Variants in GRM3 observed in about 807,000 individuals in gnomAD.
The protein encoded by GRM3 is glutamate metabotropic receptor 3.
GRM3 carries 26 observed loss-of-function variants against 70.5 expected under a neutral mutation model. The observed-to-expected ratio is 0.37, with a 90% CI of 0.27 to 0.51. GRM3 has a LOEUF of 0.51. Ranked by LOEUF, GRM3 falls within the 20% of genes least tolerant of loss-of-function variation. The pLI is 0.93. For synonymous variants in GRM3, 443 were observed against 434.9 expected, an observed-to-expected ratio of 1.02 and a Z score of -0.23; for missense variants, 859 against 1,123.8, an observed-to-expected ratio of 0.76 and a Z score of 3.37.
At position 86,839,992 on chromosome 7, in the gene GRM3, A is replaced by G; in HGVS notation, c.2391+87A>G. The stretch of plus-strand genomic sequence containing the variant: ...ATTTAAAATAGACTCCTTTTATTTC[A>G]TCTCAACGAGTTGGGTAATTTCAAA... On this transcript the variant is annotated intron_variant, in intron 4 of 5. Coordinates refer to ENST00000361669, the MANE Select transcript of GRM3 (RefSeq NM_000840.3). This position sits in a 1 kb window ranked among gnomAD's most constrained non-coding sequence, Gnocchi z 4.5. The G allele has an allele frequency of 1.3e-6, 1 of 751,066 alleles. No homozygotes were observed. The highest frequency in any genetic ancestry group is 2.2e-6 in the Non-Finnish European group (1 of 444,542). 46.5% of individuals were successfully genotyped at this position (751,066 alleles called of 1,614,324 possible). A position where few individuals can be genotyped will look rare whatever the true frequency, so the allele number is the denominator to read the frequency against.
rs77857968 is a variant in GRM3 at position 86,822,214 on chromosome 7, A to T, written c.1325-16625A>T. ...GTGCAGGATAAACAAAACAATTCTCAGGATGAATTTCACTTATAGCTCCCA... is the reference window on the plus strand; with the variant it reads ...GTGCAGGATAAACAAAACAATTCTCTGGATGAATTTCACTTATAGCTCCCA... On this transcript the variant is annotated intron_variant, in intron 3 of 5. Transcript: ENST00000361669. 9.7e-3 allele frequency among the ~76,000 whole-genome samples: 1,471 copies of T among 152,258 alleles called. 26 individuals carry two copies. Among genetic ancestry groups the T allele is most frequent in the African/African-American group, 0.033 (1,358 of 41,534 alleles).
intron 3 of GRM3, among the ~76,000 whole-genome samples, chr7:86,789,809 ATAC>A (rs947203883): frequency 3.3e-5 from 5 of 152,202 alleles, no homozygotes; most frequent in African/African-American, 1.2e-4. Context: ...ATAGATTAAA[ATAC>A]TCCCTGGTAC....
chr7:86,823,605 T>TTGG (rs1798170159), intron 3 of GRM3, among the ~76,000 whole-genome samples: 3 of 88,240 alleles, frequency 3.4e-5, no homozygotes, highest in African/African-American at 1.5e-4. Context: ...TTTTTTTTTT[T>TTGG]GGCGGGGGGG....
chr7:86,779,841 A>G (rs186477440), intron 2 of GRM3, among the ~76,000 whole-genome samples: 10 of 152,346 alleles, frequency 6.6e-5, no homozygotes, highest in Non-Finnish European at 1.0e-4. Flanking sequence ...TTGGAAGAAA[A>G]AAATATATTG....
At chr7:86,738,013 G>A (rs1795903585) in intron 1 of GRM3, among the ~76,000 whole-genome samples, 1 of 152,134 alleles carries the variant, frequency 6.6e-6, no homozygotes, top group Admixed American at 6.5e-5. Context: ...AGATTTAGAG[G>A]TTTCACTCTG....
intron 3 of GRM3, among the ~76,000 whole-genome samples, chr7:86,798,636 T>C (rs570019269): frequency 3.3e-5 from 5 of 152,202 alleles, no homozygotes; most frequent in Non-Finnish European, 5.9e-5. Flanking sequence ...CTGTGGACTT[T>C]TGAGTTAATG....
chr7:86,647,493 A>T (rs1443026982), intron 1 of GRM3, among the ~76,000 whole-genome samples: 1 of 152,208 alleles, frequency 6.6e-6, no homozygotes, highest in Non-Finnish European at 1.5e-5. Context: ...TCAGTTACGC[A>T]CACTGGAATG....
chr7:86,767,554 T>TAA, intron 2 of GRM3, among the ~76,000 whole-genome samples: 1 of 111,444 alleles, frequency 9.0e-6, no homozygotes, highest in Non-Finnish European at 1.8e-5. Flanking sequence ...TATATATATA[T>TAA]ATATAAATGA....
chr7:86,796,754 TCTCTGATACGGTTTGG>T (rs1416666474), intron 3 of GRM3, among the ~76,000 whole-genome samples: 1 of 152,164 alleles, frequency 6.6e-6, no homozygotes, highest in Non-Finnish European at 1.5e-5. Context: ...GGTTTGTAGT[TCTCTGATACGGTTTGG>T]CTGTGTCCCC....
chr7:86,685,932 AT>A (rs1794556021), intron 1 of GRM3, among the ~76,000 whole-genome samples: 1 of 151,628 alleles, frequency 6.6e-6, no homozygotes, highest in South Asian at 2.1e-4. Flanking sequence ...AAAAATACTA[AT>A]AACTACACCA....
intron 1 of GRM3, among the ~76,000 whole-genome samples, chr7:86,758,557 TTGA>T (rs1466918061): frequency 6.6e-6 from 1 of 152,092 alleles, no homozygotes; most frequent in Non-Finnish European, 1.5e-5. Flanking sequence ...ACTGTGCATT[TTGA>T]TGCTTAGGAA....
At chr7:86,808,464 G>A (rs899227297) in intron 3 of GRM3, among the ~76,000 whole-genome samples, 2 of 151,410 alleles carry the variant, frequency 1.3e-5, no homozygotes, top group Non-Finnish European at 2.9e-5. Context: ...CCTAGCAATG[G>A]CCCCACCCTC....
chr7:86,669,824 T>C, intron 1 of GRM3, among the ~76,000 whole-genome samples: 1 of 152,156 alleles, frequency 6.6e-6, no homozygotes, highest in East Asian at 1.9e-4. Context: ...CAGAATACAC[T>C]TAGTCTCTCA....
chr7:86,747,905 A>T (rs1796142355), intron 1 of GRM3, among the ~76,000 whole-genome samples: 1 of 152,064 alleles, frequency 6.6e-6, no homozygotes, highest in Non-Finnish European at 1.5e-5. Context: ...TTGTGATTTC[A>T]CACCCCACTA....
intron 1 of GRM3, among the ~76,000 whole-genome samples, chr7:86,723,581 A>G (rs1352839011): frequency 6.6e-6 from 1 of 152,210 alleles, no homozygotes; most frequent in Non-Finnish European, 1.5e-5. Context: ...AAAAACAAGA[A>G]CTAAACTAAA....
intron 1 of GRM3, among the ~76,000 whole-genome samples, chr7:86,706,350 A>G (rs1057065753): frequency 6.6e-6 from 1 of 152,106 alleles, no homozygotes; most frequent in Non-Finnish European, 1.5e-5. Flanking sequence ...ATGATAAAAG[A>G]TGCTAAATTC....
chr7:86,676,461 C>A (rs534256684), intron 1 of GRM3, among the ~76,000 whole-genome samples: 1 of 151,868 alleles, frequency 6.6e-6, no homozygotes, highest in Non-Finnish European at 1.5e-5. Context: ...AAAAATACAT[C>A]CTCAAATTAA....
intron 3 of GRM3, among the ~76,000 whole-genome samples, chr7:86,796,603 G>T (rs958977542): frequency 6.6e-6 from 1 of 152,054 alleles, no homozygotes; most frequent in East Asian, 1.9e-4. Context: ...GAAGAATGTC[G>T]ATGGTAATTT....
chr7:86,719,219 A>C (rs1459235181), intron 1 of GRM3, among the ~76,000 whole-genome samples: 2 of 152,034 alleles, frequency 1.3e-5, no homozygotes, highest in African/African-American at 4.8e-5. Flanking sequence ...AGAGAGTATG[A>C]ATACTTTAGT....
Sources: allele counts gnomAD v4.1 joint callset (sites outside exome capture counted in the v4.1 genomes callset), GRCh38; gene constraint gnomAD v4.1.1; non-coding constraint Gnocchi (gnomAD v3.1); transcripts MANE v1.5; gene names NCBI Gene and HGNC (gene_info 2026-07-23, HGNC 2026-07-21).